The following NCKAP1L variants were observed in gnomAD, a reference collection of about 807,000 sequenced individuals.
NCKAP1L encodes nck-associated protein 1-like.
A neutral mutation model predicts 139.2 loss-of-function variants in NCKAP1L; 53 were observed. The ratio of observed to expected loss-of-function variants is 0.38; its 90% CI spans 0.31 to 0.48. The LOEUF (loss-of-function observed/expected upper bound fraction) is 0.48. Among genes scored for constraint, NCKAP1L ranks in the 20% least tolerant of loss-of-function variants. The pLI, the probability that NCKAP1L is intolerant of heterozygous loss-of-function variation, is 0.98. For synonymous variants in NCKAP1L, 468 were observed against 499.7 expected (o/e 0.94, Z 0.85); for missense variants, 1,151 against 1,381.9 (o/e 0.83, Z 2.65).
chr12:54,504,352 G>A (rs1956825330), intron 3 of NCKAP1L, among the ~76,000 whole-genome samples: 1 of 152,174 alleles, frequency 6.6e-6, no homozygotes, highest in Non-Finnish European at 1.5e-5. Flanking sequence ...GAAGAGAGAA[G>A]TGAGGACAAG....
At position 54,497,818 on chromosome 12, in the gene NCKAP1L, A is replaced by G. The variant is rs752869180; in HGVS notation, c.29A>G (p.Lys10Arg). 5 of 1,613,534 alleles carry G rather than the reference A, an allele frequency of 3.1e-6. No individual in the cohort carries two copies. In the South Asian group the frequency reaches 5.5e-5, roughly 18 times the overall value. The change falls in exon 1 of 31, where the codon AAA becomes AGA. Residue 10 changes from lysine (K) to arginine (R), a missense_variant. Physicochemically the swap from Lys to Arg is conservative, Grantham distance 26 (BLOSUM62 2). Coordinates refer to ENST00000293373, the MANE Select transcript of NCKAP1L (RefSeq NM_005337.5). Reference protein sequence around the residue: MSLTSAYQHKLAEKLTILND... With the variant: MSLTSAYQHRLAEKLTILND... ...TCTTTGACATCTGCTTACCAGCATAAATTAGCAGAGAAGCTCACTATCCTG... is the reference window on the plus strand; with the variant it reads ...TCTTTGACATCTGCTTACCAGCATAGATTAGCAGAGAAGCTCACTATCCTG...
At chr12:54,506,770 C>G (rs1294525365) in intron 3 of NCKAP1L, among the ~76,000 whole-genome samples, 1 of 73,276 alleles carries the variant, frequency 1.4e-5, no homozygotes, top group African/African-American at 5.9e-5. Flanking sequence ...CTGTTCAAAT[C>G]TTTTGGCAAC....
chr12:54,516,787 C>A, intron 10 of NCKAP1L, 109 bp from the exon 11 acceptor site: 1 of 961,332 alleles, frequency 1.0e-6, no homozygotes, highest in Non-Finnish European at 1.6e-6. Flanking sequence ...AGCATTGAAC[C>A]TTCCTTCTGC....
chr12:54,506,792 AAAAAAT>A (rs1956842559), intron 3 of NCKAP1L, among the ~76,000 whole-genome samples: 1 of 23,154 alleles, frequency 4.3e-5, no homozygotes, highest in Non-Finnish European at 6.6e-5. Context: ...TATTAAAAAA[AAAAAAT>A]ATATATATAT....
In NCKAP1L at chr12:54,526,563, C is replaced by T; in HGVS notation, c.2192C>T (p.Thr731Ile). 6.2e-7 allele frequency: 1 copy of T among 1,614,008 alleles called. No homozygotes were observed. The highest frequency in any genetic ancestry group is 8.5e-7 in the Non-Finnish European group (1 of 1,179,994). ...IVWLAGYNAT[T>I]QEIVRPSELL... ...TGGCTGGCTGGCTACAATGCCACGACCCAGGAGATCGTACGGCCTTCTGAG... is the reference window on the plus strand; with the variant it reads ...TGGCTGGCTGGCTACAATGCCACGATCCAGGAGATCGTACGGCCTTCTGAG... The change falls in exon 21 of 31, where the codon ACC becomes ATC. Residue 731 changes from threonine to isoleucine, a missense_variant. Transcript: ENST00000293373.
intron 9 of NCKAP1L, 146 bp downstream of exon 9, chr12:54,512,251 T>A: frequency 1.2e-6 from 1 of 800,142 alleles, no homozygotes; most frequent in Non-Finnish European, 1.9e-6. Context: ...ATACCTACTA[T>A]TAGCTAAGTG....
At chr12:54,508,312 C>A in intron 4 of NCKAP1L, 77 bp from the exon 5 acceptor site, 1 of 1,398,308 alleles carries the variant, frequency 7.2e-7, no homozygotes, top group Admixed American at 1.7e-5. Flanking sequence ...GAGCACTGTC[C>A]AGAGTGGTTG....
chr12:54,526,159 G>A (rs1037149042), intron 20 of NCKAP1L, among the ~76,000 whole-genome samples: 4 of 152,212 alleles, frequency 2.6e-5, no homozygotes, highest in African/African-American at 7.2e-5. Context: ...TGCAGAGGGT[G>A]TGAACTGTCA....
At chr12:54,535,460 CTGTT>C (rs1957107656) in intron 27 of NCKAP1L, among the ~76,000 whole-genome samples, 1 of 152,300 alleles carries the variant, frequency 6.6e-6, no homozygotes, top group South Asian at 2.1e-4. Context: ...AAGTGAGAGT[CTGTT>C]TGGTGCTCTG....
intron 20 of NCKAP1L, among the ~76,000 whole-genome samples, chr12:54,524,546 A>G (rs1957012197): frequency 1.3e-5 from 2 of 152,288 alleles, no homozygotes; most frequent in East Asian, 1.9e-4. Context: ...TGGGAGGAAG[A>G]ATTATTATGA....
At chr12:54,507,727 A>G (rs1267629290) in intron 3 of NCKAP1L, 126 bp from the exon 4 acceptor site, 3 of 837,684 alleles carry the variant, frequency 3.6e-6, no homozygotes, top group Non-Finnish European at 6.0e-6. Context: ...TTTCACAGTG[A>G]CTTTTCTCTG....
intron 1 of NCKAP1L, among the ~76,000 whole-genome samples, 180 bp from the exon 2 acceptor site, chr12:54,499,175 C>T (rs968801733): frequency 3.3e-5 from 5 of 152,148 alleles, no homozygotes; most frequent in Admixed American, 6.5e-5. Context: ...CTGCCTGCCT[C>T]GGCCTCCCGA....
At chr12:54,526,808 G>A in intron 21 of NCKAP1L, 62 bp downstream of exon 21, 1 of 1,418,614 alleles carries the variant, frequency 7.0e-7, no homozygotes, top group Non-Finnish European at 9.8e-7. Context: ...CCTTTACACG[G>A]TAGGACCTCA....
At position 54,517,850 on chromosome 12, in the gene NCKAP1L, T is replaced by C. The variant is rs1441934735; in HGVS notation, c.1250T>C (p.Leu417Pro). The C allele has an allele frequency of 6.2e-7, 1 of 1,614,088 alleles. No individual in the cohort carries two copies. Among genetic ancestry groups the C allele is most frequent in the Non-Finnish European group, 8.5e-7 (1 of 1,180,038 alleles). Residue 417 changes from leucine (L) to proline (P), a missense_variant, in exon 13 of 31, where the codon CTG becomes CCG. Transcript: ENST00000293373. The stretch of plus-strand genomic sequence containing the variant: ...TTCTTGTTGGAGGGGATTAGGTCTC[T>C]GGTCCGAAGACACATCAAAGTGATA... ...LLFLLEGIRSLVRRHIKVIQQ... is the reference protein window; with the variant it reads ...LLFLLEGIRSPVRRHIKVIQQ...
Position 54,512,798 on chromosome 12 carries a change from GAGTAAT to G in NCKAP1L, c.941+694_941+699del, listed in dbSNP as rs1331787136. 5.8e-3 allele frequency among the ~76,000 whole-genome samples: 872 copies of G among 150,566 alleles called. 10 individuals are homozygous for G. The highest frequency in any genetic ancestry group is 0.02 in the African/African-American group (824 of 40,490). On this transcript the variant is annotated intron_variant, in intron 9 of 30. Transcript: ENST00000293373. The stretch of plus-strand genomic sequence containing the variant: ...TGTGTGTGTGTGTGTGTGTATGTGT[GAGTAAT>G]TGTGTGTGTGTGTGTGTGCCTGTGC...
Position 54,523,827 on chromosome 12 carries a change from T to C in NCKAP1L, c.2027T>C (p.Met676Thr), listed in dbSNP as rs761371189. The C allele has an allele frequency of 1.2e-6, 2 of 1,613,358 alleles. No homozygotes were observed. The highest frequency in any genetic ancestry group is 1.7e-6 in the Non-Finnish European group (2 of 1,179,556). ...HRKNRSIVTN[M>T]DKLHLNLTEL... ...TCCAGGCTCATTTTCCTTTCTAGCA[T>C]GGACAAGCTACACCTAAACTTGACA... is the stretch of plus-strand genomic sequence containing the variant. Residue 676 changes from methionine to threonine, a missense_variant and splice_region_variant, in exon 20 of 31, where the codon ATG (methionine) becomes ACG (threonine). Transcript: ENST00000293373.
rs1302975840 is a variant in NCKAP1L at position 54,508,356 on chromosome 12, C to T, written c.364-33C>T. 3.1e-6 allele frequency: 5 copies of T among 1,612,220 alleles called. No homozygotes were observed. The South Asian group carries it at 5.5e-5, about 18-fold the overall frequency. ...AGGAGATCCAGGTTAATTGGCCATG[C>T]TGTCCTTGGGTTCCTATGTATTTTC... On this transcript the variant is annotated intron_variant, in intron 4 of 30. Coordinates refer to ENST00000293373, the MANE Select transcript of NCKAP1L (RefSeq NM_005337.5).
chr12:54,533,438 A>G (rs1312030113), intron 26 of NCKAP1L, among the ~76,000 whole-genome samples: 1 of 152,204 alleles, frequency 6.6e-6, no homozygotes, highest in East Asian at 1.9e-4. Context: ...CAGGTTCCTT[A>G]TCTCTGAGGC....
chr12:54,497,907 G>A lies in NCKAP1L; in HGVS notation c.102+16G>A, dbSNP rs371543580. On this transcript the variant is annotated intron_variant, in intron 1 of 30. Coordinates refer to ENST00000293373, the MANE Select transcript of NCKAP1L (RefSeq NM_005337.5). ...CATCAAGAAGGTAAGCATGAACAAT[G>A]GGACTAGTACTGATTATTCCAACAA... is the stretch of plus-strand genomic sequence containing the variant. 158 of 1,486,372 alleles carry A rather than the reference G, an allele frequency of 1.1e-4. No individual in the cohort carries two copies. Among genetic ancestry groups the A allele is most frequent in the Non-Finnish European group, 1.3e-4 (143 of 1,063,586 alleles). The allele number at this position is 1,486,372 out of a possible 1,614,324, so 92.1% of individuals were successfully genotyped here. A position where few individuals can be genotyped will look rare whatever the true frequency, so the allele number is the denominator to read the frequency against.
Sources: gnomAD v4.1 joint callset for allele counts (sites outside exome capture counted in the v4.1 genomes callset) on GRCh38, gnomAD v4.1.1 for gene constraint, MANE v1.5 for transcripts, NCBI Gene and HGNC (gene_info 2026-07-23, HGNC 2026-07-21) for gene names.